MAP3K1: variants seen among roughly 807,000 people sequenced by gnomAD.
MAP3K1 encodes MAP/ERK kinase kinase 1.
MAP3K1 carries 36 observed loss-of-function variants against 144.2 expected under a neutral mutation model. That is an observed-to-expected ratio of 0.25 (90% CI 0.19 to 0.33). MAP3K1 has a LOEUF of 0.33. Among genes scored for constraint, MAP3K1 ranks in the 10% least tolerant of loss-of-function variants. The pLI is 1.00. For synonymous variants in MAP3K1, 718 were observed against 688.7 expected, an observed-to-expected ratio of 1.04 and a Z score of -0.67; for missense variants, 1,650 against 1,881.9, an observed-to-expected ratio of 0.88 and a Z score of 2.28.
chr5:56,846,384 G>A (rs939221559), intron 1 of MAP3K1, among the ~76,000 whole-genome samples: 3 of 152,172 alleles, frequency 2.0e-5, no homozygotes, highest in African/African-American at 7.2e-5. Context: ...CACACCAAGG[G>A]TGTTCGCTTG....
intron 1 of MAP3K1, among the ~76,000 whole-genome samples, chr5:56,849,177 A>G (rs1747088158): frequency 6.6e-6 from 1 of 152,094 alleles, no homozygotes; most frequent in Non-Finnish European, 1.5e-5. Flanking sequence ...GAGAAACCCC[A>G]TCTGTACAAA....
chr5:56,857,759 G>C (rs1747383704), intron 2 of MAP3K1, among the ~76,000 whole-genome samples: 1 of 152,186 alleles, frequency 6.6e-6, no homozygotes, highest in South Asian at 2.1e-4. Flanking sequence ...AGCTCTCTTA[G>C]ATGTGTAGTA....
chr5:56,855,374 T>C (rs1747311135), intron 1 of MAP3K1, among the ~76,000 whole-genome samples: 1 of 152,160 alleles, frequency 6.6e-6, no homozygotes, highest in Non-Finnish European at 1.5e-5. Context: ...TAAGGAAATA[T>C]TTTACGCTGT....
chr5:56,875,111 A>G lies in MAP3K1; in HGVS notation c.1766A>G (p.His589Arg), dbSNP rs777799410. 7 of 1,614,198 alleles carry G rather than the reference A, an allele frequency of 4.3e-6. No homozygotes were observed. The highest frequency in any genetic ancestry group is 5.9e-6 in the Non-Finnish European group (7 of 1,180,030). ...VREMALRRLS[H>R]DVSGALLLAN... Reference sequence around the variant, plus strand: ...GAGATGGCCCTCAGGCGTCTTTCCCATGATGTCAGTGGGGCCCTGCTGTTG... The same window carrying G: ...GAGATGGCCCTCAGGCGTCTTTCCCGTGATGTCAGTGGGGCCCTGCTGTTG... Residue 589 changes from histidine (H) to arginine (R), a missense_variant, in exon 10 of 20, where the codon CAT becomes CGT. Physicochemically the swap from His to Arg is conservative, Grantham distance 29. Transcript: ENST00000399503.
rs531627104 is a variant in MAP3K1, at chr5:56,893,791, A to C, written c.*111A>C. On this transcript the variant is annotated 3_prime_UTR_variant, in exon 20 of 20. Transcript: ENST00000399503. ...GCCATGATGCCACTGAACAGCTATG[A>C]ACGAGGCCAGTGGGGAACCCTTACC... The C allele has an allele frequency of 8.4e-7, 1 of 1,194,712 alleles. No homozygotes were observed. The highest frequency in any genetic ancestry group is 1.9e-5 in the Admixed American group (1 of 52,206). The allele number at this position is 1,194,712 out of a possible 1,614,324, so 74.0% of individuals were successfully genotyped here.
In MAP3K1 at chr5:56,839,719, T is replaced by C. The variant is rs115256167; in HGVS notation, c.483-16881T>C. The stretch of plus-strand genomic sequence containing the variant: ...TGGTTTCCCCCTGACACCCCAAAGA[T>C]GTGCACGTTAGGTTCATTGTCATGT... On this transcript the variant is annotated intron_variant, in intron 1 of 19. Transcript: ENST00000399503. 5.7e-3 allele frequency among the ~76,000 whole-genome samples: 861 copies of C among 152,280 alleles called. 6 individuals are homozygous for C. Among genetic ancestry groups the C allele is most frequent in the African/African-American group, 0.02 (834 of 41,548 alleles).
At chr5:56,865,515 A>C in intron 5 of MAP3K1, 59 bp downstream of exon 5, 1 of 1,025,090 alleles carries the variant, frequency 9.8e-7, no homozygotes, top group Non-Finnish European at 1.5e-6. Flanking sequence ...ATATATTCTT[A>C]AAATTTATCC....
chr5:56,854,804 C>A (rs1747287141), intron 1 of MAP3K1, among the ~76,000 whole-genome samples: 1 of 152,206 alleles, frequency 6.6e-6, no homozygotes, highest in Admixed American at 6.5e-5. Context: ...AGAGGAAAGA[C>A]TATCAAGCAC....
At chr5:56,829,318 G>GGC (rs1470120579) in intron 1 of MAP3K1, among the ~76,000 whole-genome samples, 1 of 151,248 alleles carries the variant, frequency 6.6e-6, no homozygotes, top group Non-Finnish European at 1.5e-5. Flanking sequence ...GCGTAGCTGG[G>GGC]ACCACAGGTG....
At chr5:56,847,569 C>G (rs946274733) in intron 1 of MAP3K1, among the ~76,000 whole-genome samples, 1 of 152,224 alleles carries the variant, frequency 6.6e-6, no homozygotes. Flanking sequence ...GTACTCCAGC[C>G]TGGGTGACAG....
At chr5:56,863,886 G>A (rs1013146320) in intron 3 of MAP3K1, among the ~76,000 whole-genome samples, 1 of 152,168 alleles carries the variant, frequency 6.6e-6, no homozygotes, top group Non-Finnish European at 1.5e-5. Flanking sequence ...AGTATAGTGA[G>A]AGTGTTATAT....
intron 4 of MAP3K1, 84 bp from the exon 5 acceptor site, chr5:56,865,256 G>T: frequency 1.2e-6 from 1 of 835,670 alleles, no homozygotes; most frequent in Non-Finnish European, 2.0e-6. Flanking sequence ...ATAAAAAGTT[G>T]GAAATATTGT....
intron 1 of MAP3K1, among the ~76,000 whole-genome samples, chr5:56,816,476 TGAGGCGGGCGGTGGTCGGAAGA>T (rs1331435172): frequency 1.9e-4 from 28 of 151,284 alleles, no homozygotes; most frequent in African/African-American, 6.6e-4. Context: ...GGCCCGAGCC[TGAGGCGGGCGGTGGTCGGAAGA>T]GGGGCGGGGT....
intron 1 of MAP3K1, among the ~76,000 whole-genome samples, chr5:56,837,111 C>A (rs572704795): frequency 6.6e-6 from 1 of 151,702 alleles, no homozygotes; most frequent in Non-Finnish European, 1.5e-5. Context: ...CACTGCCCCC[C>A]AGACATGCCC....
At chr5:56,892,370 T>G (rs1211079187) in intron 19 of MAP3K1, among the ~76,000 whole-genome samples, 1 of 152,196 alleles carries the variant, frequency 6.6e-6, no homozygotes, top group African/African-American at 2.4e-5. Context: ...TTTTGCACAT[T>G]GATTTTGTAT....
chr5:56,867,610 G>A (rs1389771094), intron 6 of MAP3K1, among the ~76,000 whole-genome samples: 2 of 152,044 alleles, frequency 1.3e-5, no homozygotes, highest in African/African-American at 2.4e-5. Context: ...TTTATTTACC[G>A]AAATAATGAA....
At position 56,817,107 on chromosome 5, in the gene MAP3K1, T is replaced by G. The variant is rs931950708; in HGVS notation, c.482+1052T>G. The G allele has an allele frequency of 1.9e-5, 19 of 985,230 alleles. No individual in the cohort carries two copies. The African/African-American group carries it at 3.1e-4, about 16-fold the overall frequency. The allele number at this position is 985,230 out of a possible 1,614,324, so 61.0% of individuals were successfully genotyped here. ...GTCTTCTGGTGCATATGAAGTACAG[T>G]ATGTGTAAGGTAATTTAGACCAGCG... On this transcript the variant is annotated intron_variant, in intron 1 of 19. Transcript: ENST00000399503.
chr5:56,842,190 G>A (rs1341746843), intron 1 of MAP3K1: 1 of 152,148 alleles, frequency 6.6e-6, no homozygotes, highest in East Asian at 1.9e-4. Context: ...TATTCTAGAT[G>A]TTGCTAGTCA....
At chr5:56,828,819 T>G (rs1048710942) in intron 1 of MAP3K1, among the ~76,000 whole-genome samples, 8 of 152,136 alleles carry the variant, frequency 5.3e-5, no homozygotes, top group African/African-American at 1.4e-4. Context: ...TAAAAAAGCT[T>G]CTTCTTTGAC....
Sources: gnomAD v4.1 joint callset for allele counts (sites outside exome capture counted in the v4.1 genomes callset) on GRCh38, gnomAD v4.1.1 for gene constraint, MANE v1.5 for transcripts, NCBI Gene and HGNC (gene_info 2026-07-23, HGNC 2026-07-21) for gene names.